MYO1H: variants seen among roughly 807,000 people sequenced by gnomAD.
The protein encoded by MYO1H is myosin IH, also known as unconventional myosin-Ih.
Under a neutral mutation model 149.3 loss-of-function variants are expected in MYO1H, and 118 were observed. The observed-to-expected ratio is 0.79, with a 90% confidence interval of 0.68 to 0.92. The LOEUF (loss-of-function observed/expected upper bound fraction) is 0.92. MYO1H is among the 40% of genes least tolerant of loss of function. MYO1H has a pLI of 0.00. For missense variants in MYO1H, 1,212 were observed against 1,280.7 expected (o/e 0.95, Z 0.82); for synonymous variants, 447 against 465.2 (o/e 0.96, Z 0.50).
At chr12:109,435,605 C>T in intron 21 of MYO1H, among the ~76,000 whole-genome samples, 1 of 152,186 alleles carries the variant, frequency 6.6e-6, no homozygotes, top group East Asian at 1.9e-4. Flanking sequence ...AAGAACTACG[C>T]TTGAGTCATT....
chr12:109,375,859 G>A (rs1158970568), intron 1 of MYO1H, among the ~76,000 whole-genome samples: 1 of 152,058 alleles, frequency 6.6e-6, no homozygotes, highest in Non-Finnish European at 1.5e-5. Context: ...AGTGCCTGTG[G>A]CCTCAACTAC....
At chr12:109,446,726 T>C (rs1872496578) in intron 31 of MYO1H, among the ~76,000 whole-genome samples, 1 of 152,204 alleles carries the variant, frequency 6.6e-6, no homozygotes, top group Non-Finnish European at 1.5e-5. Flanking sequence ...ATCGCACCAC[T>C]ACACTCCAGC....
intron 1 of MYO1H, among the ~76,000 whole-genome samples, chr12:109,374,871 T>C (rs1382035282): frequency 6.6e-6 from 1 of 151,992 alleles, no homozygotes; most frequent in Non-Finnish European, 1.5e-5. Context: ...TTTTTTTTTT[T>C]CGAGACGAAG....
chr12:109,371,797 G>A (rs917532121), intron 1 of MYO1H, among the ~76,000 whole-genome samples: 9 of 152,270 alleles, frequency 5.9e-5, no homozygotes, highest in African/African-American at 2.2e-4. Context: ...ATAGATGCTA[G>A]TAATTCCTTT....
chr12:109,420,455 A>G (rs1314010771), intron 15 of MYO1H, among the ~76,000 whole-genome samples: 1 of 152,210 alleles, frequency 6.6e-6, no homozygotes, highest in Admixed American at 6.5e-5. Flanking sequence ...TGGCCTCAGG[A>G]AACATACAAT....
chr12:109,321,535 A>G, the MYO1H span, among the ~76,000 whole-genome samples: 1 of 152,180 alleles, frequency 6.6e-6, no homozygotes. Context: ...CCTGGGCAAT[A>G]GAGCGAGATC....
Position 109,402,833 on chromosome 12 carries a change from T to A in MYO1H, c.751-1149T>A, listed in dbSNP as rs570144408. Among the ~76,000 whole-genome samples, 137 of 152,354 alleles carry A rather than the reference T, an allele frequency of 9.0e-4. 1 individual carries two copies. Among genetic ancestry groups the A allele is most frequent in the Non-Finnish European group, 5.3e-4 (36 of 68,028 alleles). Reference sequence around the variant, plus strand: ...AGAAAGGGTCAATTTGTAAAAATATTTGAGGCCTCATCCATTTTCCCAAGG... The same window carrying A: ...AGAAAGGGTCAATTTGTAAAAATATATGAGGCCTCATCCATTTTCCCAAGG... On this transcript the variant is annotated intron_variant, in intron 6 of 31. Transcript: ENST00000310903.
At chr12:109,320,819 G>A in the MYO1H span, among the ~76,000 whole-genome samples, 1 of 152,138 alleles carries the variant, frequency 6.6e-6, no homozygotes, top group African/African-American at 2.4e-5. Flanking sequence ...GCTGGGCGTG[G>A]TGGCTCATGC....
At chr12:109,420,288 C>T (rs961065362) in intron 15 of MYO1H, among the ~76,000 whole-genome samples, 5 of 152,080 alleles carry the variant, frequency 3.3e-5, no homozygotes, top group South Asian at 4.1e-4. Flanking sequence ...CAATGAGGGA[C>T]ATGTTACCCG....
chr12:109,405,065 T>C (rs910512425), intron 7 of MYO1H, among the ~76,000 whole-genome samples: 5 of 151,802 alleles, frequency 3.3e-5, no homozygotes, highest in Non-Finnish European at 5.9e-5. Context: ...TTTTAAAAAT[T>C]AGCTAGGCAT....
chr12:109,401,344 G>A, intron 6 of MYO1H, 72 bp downstream of exon 6: 1 of 1,459,746 alleles, frequency 6.9e-7, no homozygotes, highest in Non-Finnish European at 9.2e-7. Flanking sequence ...ACGTGCTGCT[G>A]TAGGATGTTT....
At chr12:109,312,209 T>TTTG in the MYO1H span, among the ~76,000 whole-genome samples, 489 of 116,966 alleles carry the variant, frequency 4.2e-3, 2 homozygotes, top group African/African-American at 0.014. Context: ...CAGTTTTTTT[T>TTTG]TTTGTTTGTT....
At chr12:109,340,086 T>G in the MYO1H span, among the ~76,000 whole-genome samples, 1 of 152,198 alleles carries the variant, frequency 6.6e-6, no homozygotes, top group Non-Finnish European at 1.5e-5. Context: ...AGTTCAATCT[T>G]CTATGGAGAA....
chr12:109,322,631 C>T, the MYO1H span, among the ~76,000 whole-genome samples: 1 of 151,592 alleles, frequency 6.6e-6, no homozygotes, highest in Non-Finnish European at 1.5e-5. Flanking sequence ...ACCAGCCTGA[C>T]CAATATGGTG....
In MYO1H at chr12:109,379,006, T is replaced by G. The variant is rs375365729; in HGVS notation, c.13-9677T>G. 1.4e-4 allele frequency among the ~76,000 whole-genome samples: 22 copies of G among 152,240 alleles called. 1 individual carries two copies. The East Asian group carries it at 2.5e-3, about 17-fold the overall frequency. On this transcript the variant is annotated intron_variant, in intron 1 of 31. Coordinates refer to ENST00000310903, the Ensembl canonical transcript of MYO1H. The stretch of plus-strand genomic sequence containing the variant: ...GTTTAATGTCTTTTCCATTCCTTAC[T>G]GTCCTTTGAATTGGAAGTTAGATCT...
At chr12:109,439,425 C>T (rs924258728) in intron 23 of MYO1H, 11 of 460,568 alleles carry the variant, frequency 2.4e-5, no homozygotes, top group Non-Finnish European at 3.5e-5. Flanking sequence ...TTAAAATTGG[C>T]AGCTAATTAA....
chr12:109,435,477 C>T (rs73194249), intron 21 of MYO1H, among the ~76,000 whole-genome samples: 15,802 of 152,200 alleles, frequency 0.1, 1,114 homozygotes, highest in African/African-American at 0.19. Flanking sequence ...TCAAAGCCTG[C>T]AGCCTGGGTG....
exon 7 of MYO1H, chr12:109,404,016 A>G: frequency 1.2e-6 from 2 of 1,613,860 alleles, no homozygotes; most frequent in Non-Finnish European, 1.7e-6. Context: ...ATTAGTGACA[A>G]GAATGACTGG....
At chr12:109,425,127 ATCAG>A (rs1189656635) in intron 17 of MYO1H, among the ~76,000 whole-genome samples, 3 of 152,036 alleles carry the variant, frequency 2.0e-5, no homozygotes, top group African/African-American at 4.8e-5. Context: ...ATAAAAACAA[ATCAG>A]TCAGACAAAA....
Sources: allele counts gnomAD v4.1 joint callset (sites outside exome capture counted in the v4.1 genomes callset), GRCh38; gene constraint gnomAD v4.1.1; transcripts MANE v1.5; gene names NCBI Gene and HGNC (gene_info 2026-07-23, HGNC 2026-07-21).